DPP6: variants seen among roughly 807,000 people sequenced by gnomAD.
The protein encoded by DPP6 is A-type potassium channel modulatory protein DPP6.
In DPP6, 69 loss-of-function variants were observed where a neutral mutation model predicts 122.6. That is an observed-to-expected ratio of 0.56 (90% CI 0.46 to 0.69). The LOEUF (loss-of-function observed/expected upper bound fraction) is 0.69, where lower values mean the gene tolerates loss of function less well. Among genes scored for constraint, DPP6 ranks in the 30% least tolerant of loss-of-function variants. The pLI is 0.00. For synonymous variants in DPP6, 418 were observed against 433.1 expected, an observed-to-expected ratio of 0.97 and a Z score of 0.43; for missense variants, 928 against 1,116.9, an observed-to-expected ratio of 0.83 and a Z score of 2.41.
At chr7:154,579,570 TTTTCTTAGAGCCAGGTAAGGGCCTGC>T (rs1831908973) in intron 5 of DPP6, among the ~76,000 whole-genome samples, 1 of 152,144 alleles carries the variant, frequency 6.6e-6, no homozygotes, top group African/African-American at 2.4e-5. Context: ...AACTAATTGT[TTTTCTTAGAGCCAGGTAAGGGCCTGC>T]CATTGGCAAG....
At chr7:153,860,171 G>T in the DPP6 span, among the ~76,000 whole-genome samples, 2 of 152,104 alleles carry the variant, frequency 1.3e-5, no homozygotes, top group African/African-American at 2.4e-5. Flanking sequence ...CATATTTCGA[G>T]ATTTAAAAGT....
At chr7:154,228,702 G>A (rs746409268) in intron 1 of DPP6, among the ~76,000 whole-genome samples, 1 of 152,036 alleles carries the variant, frequency 6.6e-6, no homozygotes, top group African/African-American at 2.4e-5. Context: ...TAAAGTTCAT[G>A]GAAAAGTGGA....
At chr7:154,886,969 C>T (rs142291724) in intron 22 of DPP6, among the ~76,000 whole-genome samples, 1 of 152,260 alleles carries the variant, frequency 6.6e-6, no homozygotes, top group East Asian at 1.9e-4. Context: ...CGGGTGCCAC[C>T]TTCAAATTGA....
chr7:154,615,852 A>G (rs1159818940), intron 5 of DPP6, among the ~76,000 whole-genome samples: 1 of 152,100 alleles, frequency 6.6e-6, no homozygotes, highest in Admixed American at 6.5e-5. Context: ...TTCATCATCC[A>G]CAACAGAAAC....
chr7:154,722,631 A>G (rs1313473774), intron 7 of DPP6, among the ~76,000 whole-genome samples: 1 of 152,140 alleles, frequency 6.6e-6, no homozygotes, highest in Non-Finnish European at 1.5e-5. Flanking sequence ...CGGCAGCAGG[A>G]GGCAGGGAGT....
chr7:154,251,092 A>G (rs1391007641), intron 1 of DPP6, among the ~76,000 whole-genome samples: 2 of 152,232 alleles, frequency 1.3e-5, no homozygotes, highest in Admixed American at 1.3e-4. Context: ...AAATGTTTAT[A>G]AGAGTCTGGC....
At chr7:154,072,533 A>C (rs1396940283) in intron 1 of DPP6, among the ~76,000 whole-genome samples, 3 of 152,274 alleles carry the variant, frequency 2.0e-5, no homozygotes, top group African/African-American at 7.2e-5. Flanking sequence ...AGAGGCTTAC[A>C]TCACAGAGTT....
At chr7:154,167,065 C>T (rs1369676602) in intron 1 of DPP6, among the ~76,000 whole-genome samples, 7 of 148,736 alleles carry the variant, frequency 4.7e-5, no homozygotes, top group Non-Finnish European at 1.5e-5. Flanking sequence ...TCTTTCCATG[C>T]ACCCCCACAA....
At chr7:154,599,667 C>T (rs1194258773) in intron 5 of DPP6, among the ~76,000 whole-genome samples, 1 of 151,908 alleles carries the variant, frequency 6.6e-6, no homozygotes, top group East Asian at 1.9e-4. Context: ...CTATCCCTCC[C>T]CCAGCCCCCC....
intron 1 of DPP6, among the ~76,000 whole-genome samples, chr7:154,425,977 C>A (rs1323520247): frequency 6.6e-6 from 1 of 152,058 alleles, no homozygotes; most frequent in Admixed American, 6.6e-5. Context: ...CACTGGTTGG[C>A]ATTAAGTTTG....
chr7:154,335,867 A>C (rs1809368903), intron 1 of DPP6, among the ~76,000 whole-genome samples: 1 of 151,974 alleles, frequency 6.6e-6, no homozygotes, highest in Non-Finnish European at 1.5e-5. Flanking sequence ...AAGAGGTGTT[A>C]TTTTGTCTCA....
chr7:154,727,885 A>G lies in DPP6; in HGVS notation c.881A>G (p.Glu294Gly). The G allele has an allele frequency of 6.2e-7, 1 of 1,611,706 alleles. No individual in the cohort carries two copies. The highest frequency in any genetic ancestry group is 2.2e-5 in the East Asian group (1 of 44,862). The change falls in exon 8 of 26, where the codon GAA becomes GGA. Residue 294 changes from glutamate to glycine, a missense_variant and splice_region_variant. Coordinates refer to ENST00000377770, the MANE Select transcript of DPP6 (RefSeq NM_130797.4). ...IYNGLSDWLY[E>G]EEILKTHIAH... The stretch of plus-strand genomic sequence containing the variant: ...AATGGCCTCAGTGACTGGCTGTATG[A>G]AGGTAAGATGTGCACAGAGAGAAAA...
intron 1 of DPP6, among the ~76,000 whole-genome samples, chr7:153,964,029 T>C (rs1563054113): frequency 6.6e-6 from 1 of 152,146 alleles, no homozygotes; most frequent in Admixed American, 6.5e-5. Flanking sequence ...GGAGTCTCAC[T>C]CTGTTGCCCA....
intron 1 of DPP6, among the ~76,000 whole-genome samples, chr7:154,111,702 T>G (rs1394718905): frequency 6.6e-6 from 1 of 151,358 alleles, no homozygotes; most frequent in Non-Finnish European, 1.5e-5. Flanking sequence ...AGATGTCTCT[T>G]CTGATCTATA....
chr7:154,448,387 GACTTGTGT>G (rs1239558775), intron 2 of DPP6, among the ~76,000 whole-genome samples: 1 of 152,090 alleles, frequency 6.6e-6, no homozygotes, highest in Non-Finnish European at 1.5e-5. Context: ...AGAAGTATAA[GACTTGTGT>G]ACTAAAACTA....
intron 1 of DPP6, among the ~76,000 whole-genome samples, chr7:154,324,644 C>T (rs568891544): frequency 1.8e-4 from 27 of 152,214 alleles, no homozygotes; most frequent in African/African-American, 6.3e-4. Context: ...CCTGACGGGG[C>T]ACCTTGTTCG....
At chr7:154,773,946 G>A (rs976585609) in intron 10 of DPP6, among the ~76,000 whole-genome samples, 2 of 152,158 alleles carry the variant, frequency 1.3e-5, no homozygotes, top group East Asian at 1.9e-4. Context: ...CACACCCTGA[G>A]CTCCTGCACA....
chr7:154,784,566 G>C (rs897108336), intron 10 of DPP6, among the ~76,000 whole-genome samples: 2 of 152,208 alleles, frequency 1.3e-5, no homozygotes, highest in Non-Finnish European at 2.9e-5. Context: ...TTACAGGGCA[G>C]TCTGGTTTTT....
Position 154,804,932 on chromosome 7 carries a change from G to A in DPP6, c.1515G>A (p.Thr505=), listed in dbSNP as rs774306342. 4.1e-5 allele frequency: 65 copies of A among 1,602,936 alleles called. No individual in the cohort carries two copies. In the South Asian group the frequency reaches 5.9e-4, roughly 14 times the overall value. The stretch of plus-strand genomic sequence containing the variant: ...ATCTTTGCAGCTACTTCCTGAGCAC[G>A]GAGGACCTGCCTCGGAGACGACAAC... The part of the protein sequence containing the change: ...EKGNKIYFLS[T]EDLPRRRQLY... Residue 505 remains threonine, a synonymous_variant, in exon 15 of 26, where the codon ACG becomes ACA. Transcript: ENST00000377770.
Sources: allele counts gnomAD v4.1 joint callset (sites outside exome capture counted in the v4.1 genomes callset), GRCh38; gene constraint gnomAD v4.1.1; transcripts MANE v1.5; gene names NCBI Gene and HGNC (gene_info 2026-07-23, HGNC 2026-07-21).